The following LINGO2 variants were observed in gnomAD, a reference collection of about 807,000 sequenced individuals.
LINGO2 encodes leucine rich repeat and Ig domain containing 2.
In LINGO2, 14 loss-of-function variants were observed where a neutral mutation model predicts 30.6. The observed-to-expected ratio is 0.46, with a 90% confidence interval of 0.30 to 0.72. The LOEUF (loss-of-function observed/expected upper bound fraction) is 0.72, where lower values mean the gene tolerates loss of function less well. LINGO2 is among the 30% of genes least tolerant of loss of function. LINGO2 has a pLI of 0.07. For missense variants in LINGO2, 729 were observed against 751.7 expected, an observed-to-expected ratio of 0.97 and a Z score of 0.35; for synonymous variants, 317 against 288.5, an observed-to-expected ratio of 1.10 and a Z score of -1.00.
At chr9:27,975,256 T>C (rs915611440) in intron 5 of LINGO2, among the ~76,000 whole-genome samples, 1 of 152,166 alleles carries the variant, frequency 6.6e-6, no homozygotes, top group Non-Finnish European at 1.5e-5. Context: ...TGCTATTTAA[T>C]GTGCCAGTCT....
intron 4 of LINGO2, among the ~76,000 whole-genome samples, chr9:28,224,103 A>C (rs751886415): frequency 3.9e-5 from 6 of 152,202 alleles, no homozygotes; most frequent in East Asian, 1.9e-4. Flanking sequence ...CTCACTCTGT[A>C]GCCCAGGCTG....
the LINGO2 span, among the ~76,000 whole-genome samples, chr9:29,099,277 T>C: frequency 3.3e-5 from 5 of 152,116 alleles, no homozygotes; most frequent in African/African-American, 1.2e-4. Flanking sequence ...ACTATGAAAC[T>C]ACAACAAGAA....
chr9:27,993,887 T>A (rs899756795), intron 5 of LINGO2, among the ~76,000 whole-genome samples: 6 of 151,896 alleles, frequency 4.0e-5, no homozygotes. Context: ...TTTTGCAATA[T>A]AGACCATATG....
chr9:28,827,275 T>C, the LINGO2 span, among the ~76,000 whole-genome samples: 1 of 152,168 alleles, frequency 6.6e-6, no homozygotes. Context: ...AGTGAGCTCA[T>C]TGATTTTTGA....
the LINGO2 span, among the ~76,000 whole-genome samples, chr9:29,211,004 C>A: frequency 6.6e-6 from 1 of 152,136 alleles, no homozygotes; most frequent in African/African-American, 2.4e-5. Context: ...TTTGCCCTTT[C>A]AGTATGTGGC....
intron 4 of LINGO2, among the ~76,000 whole-genome samples, chr9:28,024,120 G>A (rs1412687769): frequency 1.3e-5 from 2 of 152,196 alleles, no homozygotes; most frequent in East Asian, 1.9e-4. Flanking sequence ...CCACTTCCAA[G>A]CTCTTTACCT....
At chr9:28,728,642 C>T in the LINGO2 span, among the ~76,000 whole-genome samples, 18 of 152,056 alleles carry the variant, frequency 1.2e-4, no homozygotes, top group South Asian at 2.9e-3. Flanking sequence ...CTGCTAATAT[C>T]GCTCTCCCCT....
At chr9:28,745,556 T>A in the LINGO2 span, among the ~76,000 whole-genome samples, 2 of 152,086 alleles carry the variant, frequency 1.3e-5, no homozygotes, top group Non-Finnish European at 2.9e-5. Flanking sequence ...TGAGTGGGTT[T>A]TTAAAAATTA....
At chr9:28,497,875 C>G (rs897638783) in intron 1 of LINGO2, among the ~76,000 whole-genome samples, 3 of 152,210 alleles carry the variant, frequency 2.0e-5, no homozygotes, top group Non-Finnish European at 4.4e-5. Context: ...TTCCTTCTAA[C>G]AGTCAGCACC....
intron 5 of LINGO2, among the ~76,000 whole-genome samples, chr9:27,958,361 G>C (rs1242045970): frequency 6.6e-6 from 1 of 151,982 alleles, no homozygotes; most frequent in Non-Finnish European, 1.5e-5. Context: ...TTAATATTTG[G>C]TCAGTAGTTT....
chr9:28,157,894 C>T (rs1198453946), intron 4 of LINGO2, among the ~76,000 whole-genome samples: 3 of 152,116 alleles, frequency 2.0e-5, no homozygotes, highest in Non-Finnish European at 4.4e-5. Flanking sequence ...TTGTTGATAT[C>T]AATATCAGCA....
intron 1 of LINGO2, among the ~76,000 whole-genome samples, chr9:28,606,787 T>A (rs576779500): frequency 6.6e-6 from 1 of 152,190 alleles, no homozygotes; most frequent in East Asian, 1.9e-4. Flanking sequence ...GTACTGTGCA[T>A]GCAATTATGT....
chr9:29,081,884 C>T, the LINGO2 span, among the ~76,000 whole-genome samples: 1 of 151,650 alleles, frequency 6.6e-6, no homozygotes, highest in African/African-American at 2.4e-5. Context: ...ATGTGAAGGA[C>T]CTCTTCAAGG....
At chr9:28,017,522 C>A (rs1822899788) in intron 4 of LINGO2, among the ~76,000 whole-genome samples, 1 of 152,092 alleles carries the variant, frequency 6.6e-6, no homozygotes, top group South Asian at 2.1e-4. Context: ...GTACATAAAT[C>A]AGATCATAAA....
At chr9:28,193,368 A>G (rs1280303835) in intron 4 of LINGO2, among the ~76,000 whole-genome samples, 1 of 152,166 alleles carries the variant, frequency 6.6e-6, no homozygotes, top group Non-Finnish European at 1.5e-5. Flanking sequence ...CTGACAAGTG[A>G]AATTAATTTT....
intron 4 of LINGO2, among the ~76,000 whole-genome samples, chr9:28,224,843 A>G (rs1821091830): frequency 6.6e-6 from 1 of 152,230 alleles, no homozygotes; most frequent in Non-Finnish European, 1.5e-5. Context: ...AAAAAGAACA[A>G]AGCCTGAGGC....
At chr9:28,740,954 T>C in the LINGO2 span, among the ~76,000 whole-genome samples, 1 of 151,966 alleles carries the variant, frequency 6.6e-6, no homozygotes, top group Admixed American at 6.6e-5. Flanking sequence ...GATGCTGGAA[T>C]GGGTTGTGAC....
the LINGO2 span, among the ~76,000 whole-genome samples, chr9:29,162,044 C>T: frequency 2.7e-4 from 41 of 152,016 alleles, no homozygotes; most frequent in South Asian, 5.6e-3. Flanking sequence ...ATCAGCCTCC[C>T]GAGTAGCTGA....
chr9:28,699,764 C>T, the LINGO2 span, among the ~76,000 whole-genome samples: 10 of 151,842 alleles, frequency 6.6e-5, no homozygotes, highest in Non-Finnish European at 1.3e-4. Flanking sequence ...GGGGGGAGGT[C>T]TATAAATGGC....
Sources: allele counts gnomAD v4.1 joint callset (sites outside exome capture counted in the v4.1 genomes callset), GRCh38; gene constraint gnomAD v4.1.1; transcripts MANE v1.5; gene names NCBI Gene and HGNC (gene_info 2026-07-23, HGNC 2026-07-21).